The following YAP1 variants were observed in gnomAD, a reference collection of about 807,000 sequenced individuals.
The protein encoded by YAP1 is Yes1 associated transcriptional regulator.
A neutral mutation model predicts 56.9 loss-of-function variants in YAP1; 5 were observed. The ratio of observed to expected loss-of-function variants is 0.09; its 90% CI spans 0.05 to 0.18. YAP1 has a LOEUF of 0.18. YAP1 is among the 10% of genes least tolerant of loss of function. The pLI, the probability that YAP1 is intolerant of heterozygous loss-of-function variation, is 1.00. For missense variants in YAP1, 539 were observed against 651.8 expected (o/e 0.83, Z 1.88); for synonymous variants, 265 against 248.1 (o/e 1.07, Z -0.64).
chr11:102,127,329 C>G lies in YAP1; in HGVS notation c.572+12935C>G, dbSNP rs189991442. The stretch of plus-strand genomic sequence containing the variant: ...TGGTTTTGTAGGCTGGGCCCAGGGT[C>G]CCTGTGCTGTGTGCAGTCTAGGGAC... On this transcript the variant is annotated intron_variant, in intron 2 of 8. Coordinates refer to ENST00000282441, the MANE Select transcript of YAP1 (RefSeq NM_001130145.3). Among the ~76,000 whole-genome samples, 23 of 152,308 alleles carry G rather than the reference C, an allele frequency of 1.5e-4. No homozygotes were observed. In the East Asian group the frequency reaches 3.1e-3, roughly 20 times the overall value.
chr11:102,154,664 C>T (rs1276108475), intron 2 of YAP1, among the ~76,000 whole-genome samples: 2 of 152,160 alleles, frequency 1.3e-5, no homozygotes, highest in Non-Finnish European at 2.9e-5. Flanking sequence ...GGTAAGCCAC[C>T]TTAATATCTG....
At chr11:102,199,001 A>T (rs147504785) in intron 4 of YAP1, among the ~76,000 whole-genome samples, 1 of 152,308 alleles carries the variant, frequency 6.6e-6, no homozygotes, top group East Asian at 1.9e-4. Context: ...GAGGAGGGAG[A>T]GAGAGAATGT....
chr11:102,155,522 CTGTT>C (rs369185148), intron 2 of YAP1, among the ~76,000 whole-genome samples: 18 of 152,284 alleles, frequency 1.2e-4, no homozygotes, highest in African/African-American at 3.8e-4. Flanking sequence ...GGTTCCTTGA[CTGTT>C]TGTATTATTT....
At chr11:102,159,331 C>G (rs1565213419) in intron 2 of YAP1, among the ~76,000 whole-genome samples, 1 of 152,202 alleles carries the variant, frequency 6.6e-6, no homozygotes, top group Non-Finnish European at 1.5e-5. Flanking sequence ...GTCCAGGCTT[C>G]TGGTTAATTC....
intron 2 of YAP1, among the ~76,000 whole-genome samples, chr11:102,150,045 C>T (rs1303044002): frequency 3.1e-5 from 4 of 127,430 alleles, no homozygotes; most frequent in African/African-American, 3.1e-5. Flanking sequence ...AATGTAGTGG[C>T]GCTATCTCGG....
At chr11:102,180,710 A>G (rs1373493004) in intron 3 of YAP1, among the ~76,000 whole-genome samples, 1 of 151,196 alleles carries the variant, frequency 6.6e-6, no homozygotes. Flanking sequence ...AAAGAAGATC[A>G]AAACAAAAAT....
At chr11:102,134,646 C>A (rs556542326) in intron 2 of YAP1, among the ~76,000 whole-genome samples, 1 of 151,942 alleles carries the variant, frequency 6.6e-6, no homozygotes, top group South Asian at 2.1e-4. Context: ...AAGTCTTCCA[C>A]GTACCTCTCA....
At chr11:102,180,035 G>A (rs1277493983) in intron 3 of YAP1, among the ~76,000 whole-genome samples, 1 of 133,126 alleles carries the variant, frequency 7.5e-6, no homozygotes, top group Non-Finnish European at 1.5e-5. Flanking sequence ...TTGAGATGGA[G>A]TCTCGCATCC....
chr11:102,172,703 A>G (rs1946988273), intron 3 of YAP1, among the ~76,000 whole-genome samples: 1 of 152,110 alleles, frequency 6.6e-6, no homozygotes, highest in African/African-American at 2.4e-5. Context: ...GTCAGATATT[A>G]AAAGTGGAAG....
rs1415100005 is a variant in YAP1, at chr11:102,110,904, C to G, written c.56C>G (p.Pro19Arg). Reference protein sequence around the residue: ...PQPAPQGQGQPPSQPPQGQGP... With the variant: ...PQPAPQGQGQRPSQPPQGQGP... Reference sequence around the variant, plus strand: ...CCGGCCCCCCAGGGCCAAGGGCAGCCGCCTTCGCAGCCCCCGCAGGGGCAG... The same window carrying G: ...CCGGCCCCCCAGGGCCAAGGGCAGCGGCCTTCGCAGCCCCCGCAGGGGCAG... The change falls in exon 1 of 9, where the codon CCG (proline) becomes CGG (arginine). Residue 19 changes from proline (P) to arginine (R), a missense_variant. Pro to Arg is a moderately radical substitution (Grantham distance 103, BLOSUM62 -2). This residue lies in a region of YAP1 where 106 missense variants were observed against 86.6 expected (regional missense o/e 1.22). Transcript: ENST00000282441. 31 of 1,435,714 alleles carry G rather than the reference C, an allele frequency of 2.2e-5. No homozygotes were observed. Among genetic ancestry groups the G allele is most frequent in the Non-Finnish European group, 2.8e-5 (31 of 1,094,646 alleles). The allele number at this position is 1,435,714 out of a possible 1,614,324, so 88.9% of individuals were successfully genotyped here. A position where few individuals can be genotyped will look rare whatever the true frequency, so the allele number is the denominator to read the frequency against.
At chr11:102,115,441 T>G (rs771399629) in intron 2 of YAP1, among the ~76,000 whole-genome samples, 15 of 152,152 alleles carry the variant, frequency 9.9e-5, no homozygotes, top group Non-Finnish European at 1.9e-4. Flanking sequence ...AGTATGTGTT[T>G]TATATTGATT....
chr11:102,141,911 T>C (rs1240758445), intron 2 of YAP1, among the ~76,000 whole-genome samples: 1 of 152,208 alleles, frequency 6.6e-6, no homozygotes, highest in African/African-American at 2.4e-5. Flanking sequence ...TTTCCTCATT[T>C]GTAAAATTCG....
chr11:102,229,945 C>G lies in YAP1; in HGVS notation c.*5C>G, dbSNP rs746816956. On this transcript the variant is annotated 3_prime_UTR_variant, in exon 9 of 9. Coordinates refer to ENST00000282441, the MANE Select transcript of YAP1 (RefSeq NM_001130145.3). ...AGCTTTCTTACATGGTTATAGAGCC[C>G]TCAGGCAGACTGAATTCTAAATCTG... 10 of 1,609,760 alleles carry G rather than the reference C, an allele frequency of 6.2e-6. No individual in the cohort carries two copies. The highest frequency in any genetic ancestry group is 1.1e-5 in the South Asian group (1 of 90,920).
At position 102,158,569 on chromosome 11, in the gene YAP1, A is replaced by G. The variant is rs575912971; in HGVS notation, c.573-3887A>G. Among the ~76,000 whole-genome samples, 110 of 152,326 alleles carry G rather than the reference A, an allele frequency of 7.2e-4. 1 individual carries two copies. The highest frequency in any genetic ancestry group is 2.7e-3 in the Admixed American group (41 of 15,304). The stretch of plus-strand genomic sequence containing the variant: ...GCTCAGTGCTGCTGGCCCAAGGCCC[A>G]CACTCTTGAATAGCAGGGGTATGAA... On this transcript the variant is annotated intron_variant, in intron 2 of 8. Coordinates refer to ENST00000282441, the MANE Select transcript of YAP1 (RefSeq NM_001130145.3).
At chr11:102,217,697 C>CTT (rs924951857) in intron 6 of YAP1, among the ~76,000 whole-genome samples, 1 of 149,022 alleles carries the variant, frequency 6.7e-6, no homozygotes, top group Non-Finnish European at 1.5e-5. Context: ...GGATGATTAT[C>CTT]TTTTTTTTTT....
Position 102,199,838 on chromosome 11 carries a change from G to A in YAP1, c.803-6055G>A, listed in dbSNP as rs148684367. ...ACACGCTCAATGGGAAAAGCCAGGC[G>A]TGCAGCTGACCTGGCCCTGGCCTAG... On this transcript the variant is annotated intron_variant, in intron 4 of 8. Transcript: ENST00000282441. 2.6e-3 allele frequency among the ~76,000 whole-genome samples: 395 copies of A among 152,290 alleles called. 2 individuals are homozygous for A. The highest frequency in any genetic ancestry group is 4.2e-3 in the Non-Finnish European group (283 of 68,030).
intron 2 of YAP1, among the ~76,000 whole-genome samples, chr11:102,140,606 A>G (rs1229792105): frequency 6.6e-6 from 1 of 152,176 alleles, no homozygotes; most frequent in Non-Finnish European, 1.5e-5. Context: ...GCACTTTGGG[A>G]GGCCAAAGCG....
intron 4 of YAP1, among the ~76,000 whole-genome samples, chr11:102,188,763 A>C (rs976833646): frequency 6.6e-6 from 1 of 152,214 alleles, no homozygotes; most frequent in Admixed American, 6.5e-5. Flanking sequence ...CAGTGACAGA[A>C]TTGCCAATGA....
chr11:102,217,334 C>G (rs1949715002), intron 6 of YAP1, among the ~76,000 whole-genome samples: 1 of 152,140 alleles, frequency 6.6e-6, no homozygotes, highest in Admixed American at 6.5e-5. Context: ...AGTCTGGAAA[C>G]ACTTAGAATA....
Sources: allele counts gnomAD v4.1 joint callset (sites outside exome capture counted in the v4.1 genomes callset), GRCh38; gene constraint gnomAD v4.1.1; regional missense constraint gnomAD v4.1.1; transcripts MANE v1.5; gene names NCBI Gene and HGNC (gene_info 2026-07-23, HGNC 2026-07-21).